The following CDH13 variants were observed in gnomAD, a reference collection of about 807,000 sequenced individuals.
The protein encoded by CDH13 is cadherin-13.
In CDH13, 24 loss-of-function variants were observed where a neutral mutation model predicts 63.8. The ratio of observed to expected loss-of-function variants is 0.38; its 90% confidence interval spans 0.27 to 0.53. CDH13 has a LOEUF of 0.53. Ranked by LOEUF, CDH13 falls within the 20% of genes least tolerant of loss-of-function variation. The probability of loss-of-function intolerance (pLI) is 0.85; values close to 1 mark genes in which losing one functional copy is unlikely to be tolerated. For synonymous variants in CDH13, 503 were observed against 355.3 expected (o/e 1.42, Z -4.67); for missense variants, 1,049 against 903.1 (o/e 1.16, Z -2.07).
At chr16:83,429,542 A>C (rs898753300) in intron 6 of CDH13, among the ~76,000 whole-genome samples, 1 of 152,058 alleles carries the variant, frequency 6.6e-6, no homozygotes, top group Admixed American at 6.5e-5. Context: ...ACACTCACAC[A>C]GCATTGAAGA....
chr16:83,127,672 A>C (rs372210578), intron 4 of CDH13, among the ~76,000 whole-genome samples: 2 of 152,180 alleles, frequency 1.3e-5, no homozygotes, highest in South Asian at 4.1e-4. Context: ...GGTTGCAGTG[A>C]GCCGGGATCA....
intron 5 of CDH13, among the ~76,000 whole-genome samples, chr16:83,339,115 G>A (rs549775002): frequency 5.3e-5 from 8 of 152,130 alleles, no homozygotes; most frequent in Non-Finnish European, 1.0e-4. Flanking sequence ...TGTTGAGGGG[G>A]ATGGAGAGAA....
At position 82,672,088 on chromosome 16, in the gene CDH13, G is replaced by A. The variant is rs552205073; in HGVS notation, c.45+44951G>A. 3.5e-4 allele frequency among the ~76,000 whole-genome samples: 54 copies of A among 152,250 alleles called. No individual in the cohort carries two copies. The South Asian group carries it at 0.011, about 30-fold the overall frequency. The stretch of plus-strand genomic sequence containing the variant: ...GCTTTTCAATATGGAAGTTAACAAC[G>A]CAGTCTTTGAAGCTGGGCCGATTGG... On this transcript the variant is annotated intron_variant, in intron 1 of 13. Coordinates refer to ENST00000567109, the MANE Select transcript of CDH13 (RefSeq NM_001257.5).
chr16:82,786,267 T>C (rs913652650), intron 1 of CDH13, among the ~76,000 whole-genome samples: 29 of 152,130 alleles, frequency 1.9e-4, no homozygotes, highest in African/African-American at 7.0e-4. Context: ...ATCTTACAGT[T>C]AAGGTTTGAT....
At chr16:82,638,043 C>T (rs1203326202) in intron 1 of CDH13, among the ~76,000 whole-genome samples, 1 of 152,190 alleles carries the variant, frequency 6.6e-6, no homozygotes, top group Non-Finnish European at 1.5e-5. Flanking sequence ...AGGCTGAAAT[C>T]CATTGAAGGG....
At chr16:83,361,815 T>C (rs1349739461) in intron 6 of CDH13, among the ~76,000 whole-genome samples, 1 of 152,186 alleles carries the variant, frequency 6.6e-6, no homozygotes, top group Admixed American at 6.5e-5. Flanking sequence ...ACCATGCTGT[T>C]TTAGTTACCG....
At chr16:82,816,216 G>T (rs866427376) in intron 1 of CDH13, among the ~76,000 whole-genome samples, 1 of 152,124 alleles carries the variant, frequency 6.6e-6, no homozygotes, top group African/African-American at 2.4e-5. Context: ...CCTTCCAACA[G>T]GCACATCCTT....
At chr16:82,911,552 A>T (rs983548118) in intron 2 of CDH13, among the ~76,000 whole-genome samples, 1 of 152,162 alleles carries the variant, frequency 6.6e-6, no homozygotes, top group Non-Finnish European at 1.5e-5. Flanking sequence ...CTCCATCTGT[A>T]AAATGGGGAT....
At chr16:83,600,457 A>T (rs1250337624) in intron 7 of CDH13, among the ~76,000 whole-genome samples, 1 of 152,228 alleles carries the variant, frequency 6.6e-6, no homozygotes, top group Non-Finnish European at 1.5e-5. Context: ...TGGTGTCCCT[A>T]TGAGCAGACA....
chr16:83,261,299 G>T (rs1007784006), intron 5 of CDH13, among the ~76,000 whole-genome samples: 6 of 152,158 alleles, frequency 3.9e-5, no homozygotes, highest in Non-Finnish European at 5.9e-5. Context: ...GCTCATTACC[G>T]ATACGTTAAC....
intron 5 of CDH13, among the ~76,000 whole-genome samples, chr16:83,287,872 G>A (rs1369969897): frequency 2.6e-5 from 4 of 152,078 alleles, no homozygotes; most frequent in African/African-American, 9.7e-5. Context: ...TAACATTTTT[G>A]AAACTCAAAA....
At chr16:82,642,734 G>C (rs1483613654) in intron 1 of CDH13, among the ~76,000 whole-genome samples, 1 of 152,192 alleles carries the variant, frequency 6.6e-6, no homozygotes, top group Non-Finnish European at 1.5e-5. Context: ...AATAGTAGCT[G>C]ATATCAGTGT....
At chr16:83,146,561 T>C (rs189453550) in intron 4 of CDH13, among the ~76,000 whole-genome samples, 2 of 152,234 alleles carry the variant, frequency 1.3e-5, no homozygotes, top group African/African-American at 4.8e-5. Context: ...TTTTTGTTTG[T>C]TCTATTTCAA....
At chr16:83,553,099 C>T (rs1471702147) in intron 7 of CDH13, among the ~76,000 whole-genome samples, 2 of 148,824 alleles carry the variant, frequency 1.3e-5, no homozygotes, top group Non-Finnish European at 3.0e-5. Context: ...AAAAAAGTGA[C>T]TGTGGTTATT....
intron 1 of CDH13, among the ~76,000 whole-genome samples, chr16:82,781,886 C>G (rs936576354): frequency 6.6e-6 from 1 of 152,168 alleles, no homozygotes; most frequent in Non-Finnish European, 1.5e-5. Flanking sequence ...CTCAGTGCAC[C>G]TACAGAGAAC....
rs1022501085 is a variant in CDH13, at chr16:83,794,447, G to A, written c.2135-576G>A. Among the ~76,000 whole-genome samples the A allele has an allele frequency of 8.5e-5, 13 of 152,278 alleles. 1 individual carries two copies. In the East Asian group the frequency reaches 1.2e-3, roughly 14 times the overall value. On this transcript the variant is annotated intron_variant, in intron 13 of 13. Coordinates refer to ENST00000567109, the MANE Select transcript of CDH13 (RefSeq NM_001257.5). ...GCATGCCTGTAGTCCCAGCTCCTCCGGAGACTAAGGTGGGAGGATCGCTTG... is the reference window on the plus strand; with the variant it reads ...GCATGCCTGTAGTCCCAGCTCCTCCAGAGACTAAGGTGGGAGGATCGCTTG...
In CDH13 at chr16:82,849,203, C is replaced by G. The variant is rs1597793480; in HGVS notation, c.46-9159C>G. On this transcript the variant is annotated intron_variant, in intron 1 of 13. Coordinates refer to ENST00000567109, the MANE Select transcript of CDH13 (RefSeq NM_001257.5). ...TTAAGTAAAGAAACGATCCCTATAA[C>G]ATAAAAGTGTCAGGTGAAAGCCAAG... Among the ~76,000 whole-genome samples, 3 of 152,128 alleles carry G rather than the reference C, an allele frequency of 2.0e-5. No homozygotes were observed. In the South Asian group the frequency reaches 6.2e-4, roughly 32 times the overall value.
At chr16:82,894,010 T>C (rs2041167815) in intron 2 of CDH13, among the ~76,000 whole-genome samples, 1 of 150,728 alleles carries the variant, frequency 6.6e-6, no homozygotes, top group Admixed American at 6.7e-5. Flanking sequence ...GTTTTATTTA[T>C]TTATTTTTTT....
intron 6 of CDH13, among the ~76,000 whole-genome samples, chr16:83,381,757 C>T (rs992076711): frequency 6.6e-6 from 1 of 152,098 alleles, no homozygotes; most frequent in South Asian, 2.1e-4. Context: ...AAACACCTTC[C>T]TTCCTTTACT....
Sources: allele counts gnomAD v4.1 joint callset (sites outside exome capture counted in the v4.1 genomes callset), GRCh38; gene constraint gnomAD v4.1.1; transcripts MANE v1.5; gene names NCBI Gene and HGNC (gene_info 2026-07-23, HGNC 2026-07-21).